SEZ6L2: variants seen among roughly 807,000 people sequenced by gnomAD.
SEZ6L2 encodes the protein seizure 6-like protein 2.
A neutral mutation model predicts 97.0 loss-of-function variants in SEZ6L2; 44 were observed. The observed-to-expected ratio is 0.45, with a 90% CI of 0.36 to 0.58. SEZ6L2 has a LOEUF of 0.58. Among genes scored for constraint, SEZ6L2 ranks in the 20% least tolerant of loss-of-function variants. The pLI is 0.00. For synonymous variants in SEZ6L2, 543 were observed against 546.1 expected (o/e 0.99, Z 0.08); for missense variants, 1,086 against 1,233.3 (o/e 0.88, Z 1.79).
At chr16:29,881,662 T>C (rs2068032956) in intron 8 of SEZ6L2, among the ~76,000 whole-genome samples, 1 of 142,112 alleles carries the variant, frequency 7.0e-6, no homozygotes, top group Non-Finnish European at 1.5e-5. Context: ...AGTTTCGCTC[T>C]TGTTGCCCAG....
intron 12 of SEZ6L2, among the ~76,000 whole-genome samples, chr16:29,875,820 G>A (rs946941758): frequency 6.6e-6 from 1 of 151,802 alleles, no homozygotes; most frequent in Non-Finnish European, 1.5e-5. Flanking sequence ...ATGCCACCAT[G>A]CCCAGATAGT....
chr16:29,897,186 G>C, intron 2 of SEZ6L2, 65 bp from the exon 3 acceptor site: 2 of 1,358,388 alleles, frequency 1.5e-6, no homozygotes, highest in Non-Finnish European at 2.0e-6. Flanking sequence ...GTGGGGAGCA[G>C]GGCTGAGGGA....
rs928384780 is a variant in SEZ6L2 at position 29,880,044 on chromosome 16, A to G, written c.1393T>C (p.Phe465Leu). Residue 465 changes from phenylalanine (F) to leucine (L), a missense_variant, in exon 9 of 18, where the codon TTC (phenylalanine) becomes CTC (leucine). Phe to Leu is a conservative substitution (Grantham distance 22). Around this residue, in one of 2 missense-constraint regions of SEZ6L2, gnomAD observed 776 missense variants for 794.7 expected, o/e 0.98. Coordinates refer to ENST00000617533, the MANE Select transcript of SEZ6L2 (RefSeq NM_001243332.2). ...TTTCCATGTGCCAGGAAGGGGGCGAAGCAGCGATCCTCCTCAAAGGCTGGG... is the reference window on the plus strand; with the variant it reads ...TTTCCATGTGCCAGGAAGGGGGCGAGGCAGCGATCCTCCTCAAAGGCTGGG... ...RFEAFEEDRC[F>L]APFLAHGNVT... is the part of the protein sequence containing the mutation. 4 of 1,614,182 alleles carry G rather than the reference A, an allele frequency of 2.5e-6. No homozygotes were observed. Among genetic ancestry groups the G allele is most frequent in the Non-Finnish European group, 3.4e-6 (4 of 1,180,024 alleles).
Position 29,898,000 on chromosome 16 carries a change from G to A in SEZ6L2, c.80-16C>T, listed in dbSNP as rs1387053119. ...AGGGGCAGACCTAGGAGGTGAAGTT[G>A]TGTGAGCTTCTCCACTTCCCCACAC... On this transcript the variant is annotated splice_polypyrimidine_tract_variant and intron_variant, in intron 1 of 17. Coordinates refer to ENST00000617533, the MANE Select transcript of SEZ6L2 (RefSeq NM_001243332.2). 1 of 1,612,206 alleles carries A rather than the reference G, an allele frequency of 6.2e-7. No homozygotes were observed. Among genetic ancestry groups the A allele is most frequent in the East Asian group, 2.2e-5 (1 of 44,770 alleles).
intron 5 of SEZ6L2, among the ~76,000 whole-genome samples, chr16:29,895,052 G>A (rs938467418): frequency 2.0e-5 from 3 of 152,008 alleles, no homozygotes; most frequent in African/African-American, 4.8e-5. Flanking sequence ...GGTGGCGGGC[G>A]TCTGTAGTCC....
chr16:29,871,735 A>T lies in SEZ6L2; in HGVS notation c.2743-7T>A. The T allele has an allele frequency of 6.2e-7, 1 of 1,607,870 alleles. No homozygotes were observed. The highest frequency in any genetic ancestry group is 1.1e-5 in the South Asian group (1 of 89,762). ...CTTCATACTCCCGCGTATCCTGAAG[A>T]CAGAGAGATCAGGTCAGTTGTTGGA... On this transcript the variant is annotated splice_polypyrimidine_tract_variant and splice_region_variant and intron_variant, in intron 17 of 17. Transcript: ENST00000617533.
At chr16:29,882,720 T>C (rs1293813252) in intron 8 of SEZ6L2, among the ~76,000 whole-genome samples, 1 of 152,146 alleles carries the variant, frequency 6.6e-6, no homozygotes, top group Non-Finnish European at 1.5e-5. Context: ...CCCAAGCAGC[T>C]GGGACCACAA....
chr16:29,898,049 T>C, intron 1 of SEZ6L2, 65 bp from the exon 2 acceptor site: 2 of 1,598,316 alleles, frequency 1.3e-6, no homozygotes, highest in East Asian at 2.3e-5. Context: ...AGAGAGATAT[T>C]TTCTAGAACT....
At position 29,873,437 on chromosome 16, in the gene SEZ6L2, G is replaced by A; in HGVS notation, c.2297-6C>T. On this transcript the variant is annotated splice_region_variant and splice_polypyrimidine_tract_variant and intron_variant, in intron 13 of 17. Coordinates refer to ENST00000617533, the MANE Select transcript of SEZ6L2 (RefSeq NM_001243332.2). The surrounding 1 kb of genome is among the most constrained non-coding windows in gnomAD (Gnocchi z 4.3). ...CAGGCACGGCTCGTACTTCACTGCG[G>A]GGAGCATGCCAGTCACGTGCCAGCT... is the stretch of plus-strand genomic sequence containing the variant. The A allele has an allele frequency of 6.2e-7, 1 of 1,614,206 alleles. No individual in the cohort carries two copies. The highest frequency in any genetic ancestry group is 8.5e-7 in the Non-Finnish European group (1 of 1,180,038).
chr16:29,880,086 CAATT>C, intron 8 of SEZ6L2, 22 bp from the exon 9 acceptor site: 1 of 1,611,134 alleles, frequency 6.2e-7, no homozygotes, highest in Non-Finnish European at 8.5e-7. Context: ...TCAGTCATAA[CAATT>C]AAGCATTAGG....
intron 2 of SEZ6L2, 93 bp from the exon 3 acceptor site, chr16:29,897,214 C>A: frequency 8.8e-7 from 1 of 1,142,420 alleles, no homozygotes. Context: ...GGTTCCCCTG[C>A]CATACCACAA....
intron 5 of SEZ6L2, among the ~76,000 whole-genome samples, chr16:29,890,730 C>T (rs1470829964): frequency 6.9e-6 from 1 of 145,724 alleles, no homozygotes; most frequent in Non-Finnish European, 1.5e-5. Flanking sequence ...TTTGTCATCA[C>T]ATTAACCATT....
Position 29,876,427 on chromosome 16 carries a change from G to A in SEZ6L2, c.2104+329C>T, listed in dbSNP as rs114779700. On this transcript the variant is annotated intron_variant, in intron 12 of 17. Transcript: ENST00000617533. The surrounding 1 kb of genome is among the most constrained non-coding windows in gnomAD (Gnocchi z 6.5). Reference sequence around the variant, plus strand: ...GGGAACCTGGTCGGAGCCCTTTTAGGGGCCAAACTCAGATGCCGCAGAGGA... The same window carrying A: ...GGGAACCTGGTCGGAGCCCTTTTAGAGGCCAAACTCAGATGCCGCAGAGGA... Among the ~76,000 whole-genome samples the A allele has an allele frequency of 0.029, 4,435 of 152,108 alleles. 215 individuals are homozygous for A. Among genetic ancestry groups the A allele is most frequent in the African/African-American group, 0.099 (4,092 of 41,464 alleles).
intron 7 of SEZ6L2, among the ~76,000 whole-genome samples, chr16:29,886,238 G>A (rs199913036): frequency 6.6e-6 from 1 of 152,160 alleles, no homozygotes; most frequent in East Asian, 1.9e-4. Context: ...GCATGGTGGT[G>A]CATGCCTATA....
chr16:29,889,012 G>A (rs1336812567), intron 5 of SEZ6L2, among the ~76,000 whole-genome samples: 1 of 152,034 alleles, frequency 6.6e-6, no homozygotes, highest in South Asian at 2.1e-4. Flanking sequence ...TCTGGACCCC[G>A]CTACTCATTT....
rs1596961942 is a variant in SEZ6L2, at chr16:29,876,387, C to G, written c.2104+369G>C. Among the ~76,000 whole-genome samples the G allele has an allele frequency of 2.6e-5, 4 of 151,812 alleles. No individual in the cohort carries two copies. In the South Asian group the frequency reaches 6.3e-4, roughly 24 times the overall value. On this transcript the variant is annotated intron_variant, in intron 12 of 17. Transcript: ENST00000617533. This position sits in a 1 kb window ranked among gnomAD's most constrained non-coding sequence, Gnocchi z 6.5. Reference sequence around the variant, plus strand: ...ACAGGAAGGTGGAGCCAAGTGTGGACCCGGGGAGCCCAGTGGGAACCTGGT... The same window carrying G: ...ACAGGAAGGTGGAGCCAAGTGTGGAGCCGGGGAGCCCAGTGGGAACCTGGT...
rs973132142 is a variant in SEZ6L2, at chr16:29,899,243, C to T, written c.-224G>A. 1 of 523,040 alleles carries T rather than the reference C, an allele frequency of 1.9e-6. No homozygotes were observed. The allele number at this position is 523,040 out of a possible 1,614,324, so 32.4% of individuals were successfully genotyped here. A position where few individuals can be genotyped will look rare whatever the true frequency, so the allele number is the denominator to read the frequency against. On this transcript the variant is annotated 5_prime_UTR_variant, in exon 1 of 18. Coordinates refer to ENST00000617533, the MANE Select transcript of SEZ6L2 (RefSeq NM_001243332.2). ...CCCCCCTTTGCTCAGTCTCCTCTGTCCTCTTCTCGCGGCTCTGTGGTGGAG... is the reference window on the plus strand; with the variant it reads ...CCCCCCTTTGCTCAGTCTCCTCTGTTCTCTTCTCGCGGCTCTGTGGTGGAG...
rs572414097 is a variant in SEZ6L2 at position 29,873,133 on chromosome 16, G to A, written c.2488+107C>T. The A allele has an allele frequency of 2.4e-5, 30 of 1,275,544 alleles. No homozygotes were observed. In the East Asian group the frequency reaches 5.7e-4, roughly 24 times the overall value. 79.0% of individuals were successfully genotyped at this position (1,275,544 alleles called of 1,614,324 possible). Reference sequence around the variant, plus strand: ...ACACGAGGCCACAGGAGGAGAACCGGGAGCTCTGTGGGGTCGCCCATTGGT... The same window carrying A: ...ACACGAGGCCACAGGAGGAGAACCGAGAGCTCTGTGGGGTCGCCCATTGGT... On this transcript the variant is annotated intron_variant, in intron 14 of 17. Coordinates refer to ENST00000617533, the MANE Select transcript of SEZ6L2 (RefSeq NM_001243332.2). This position sits in a 1 kb window ranked among gnomAD's most constrained non-coding sequence, Gnocchi z 4.3.
rs1193487503 is a variant in SEZ6L2, at chr16:29,895,832, G to A, written c.540C>T (p.Gly180=). 15 of 1,613,532 alleles carry A rather than the reference G, an allele frequency of 9.3e-6. No homozygotes were observed. Among genetic ancestry groups the A allele is most frequent in the Non-Finnish European group, 1.2e-5 (14 of 1,179,840 alleles). Residue 180 remains glycine, a synonymous_variant, in exon 4 of 18, where the codon GGC becomes GGT. Transcript: ENST00000617533. ...PVLCNNNISE[G]EGYVESPDLG... is the part of the protein sequence containing the mutation. The stretch of plus-strand genomic sequence containing the variant: ...GATCTGGAGACTCCACATACCCTTC[G>A]CCCTCGGAGATGTTGTTATTACACA...
Sources: gnomAD v4.1 joint callset for allele counts (sites outside exome capture counted in the v4.1 genomes callset) on GRCh38, gnomAD v4.1.1 for gene constraint, gnomAD v4.1.1 regional missense constraint, Gnocchi (gnomAD v3.1) non-coding constraint, MANE v1.5 for transcripts, NCBI Gene and HGNC (gene_info 2026-07-23, HGNC 2026-07-21) for gene names.